Variants in DSG1 observed in about 807,000 individuals in gnomAD.
DSG1 encodes desmoglein 1.
A neutral mutation model predicts 97.5 loss-of-function variants in DSG1; 39 were observed. That is an observed-to-expected ratio of 0.40 (90% CI 0.31 to 0.52). The LOEUF (loss-of-function observed/expected upper bound fraction) is 0.52, where lower values mean the gene tolerates loss of function less well. Ranked by LOEUF, DSG1 falls within the 20% of genes least tolerant of loss-of-function variation. The pLI is 0.53. For missense variants in DSG1, 1,311 were observed against 1,295.4 expected, an observed-to-expected ratio of 1.01 and a Z score of -0.18; for synonymous variants, 475 against 443.4, an observed-to-expected ratio of 1.07 and a Z score of -0.90.
In DSG1 at chr18:31,346,078, T is replaced by C; in HGVS notation, c.1980T>C (p.Val660=). ...RMTGFELTEG[V]KTSGMPEICQ... ...CAGGATTTGAACTAACAGAGGGAGT[T>C]AAAACTTCAGGAATGCCTGAGATAT... Residue 660 remains valine, a synonymous_variant, in exon 14 of 15, where the codon GTT becomes GTC. Transcript: ENST00000257192. The C allele has an allele frequency of 6.2e-7, 1 of 1,613,904 alleles. No individual in the cohort carries two copies.
intron 9 of DSG1, 105 bp from the exon 10 acceptor site, chr18:31,338,210 A>T: frequency 8.2e-7 from 1 of 1,217,876 alleles, no homozygotes; most frequent in Non-Finnish European, 1.2e-6. Context: ...TGAAAACTGT[A>T]TCTAGGGATT....
rs1206005556 is a variant in DSG1, at chr18:31,338,438, G to A, written c.1389G>A (p.Thr463=). 29 of 1,613,188 alleles carry A rather than the reference G, an allele frequency of 1.8e-5. No individual in the cohort carries two copies. The highest frequency in any genetic ancestry group is 2.7e-5 in the African/African-American group (2 of 74,880). The change falls in exon 10 of 15, where the codon ACG becomes ACA. Residue 463 remains threonine, a synonymous_variant. Coordinates refer to ENST00000257192, the MANE Select transcript of DSG1 (RefSeq NM_001942.4). The stretch of plus-strand genomic sequence containing the variant: ...TGCTCGGAGGAAAATACCAAGGAAC[G>A]ATTCTCTCTATAGATGGTAAGAAAT... The part of the protein sequence containing the change: ...YNMLGGKYQG[T]ILSIDDNLQR...
Position 31,318,319 on chromosome 18 carries a change from A to C in DSG1, c.19A>C (p.Arg7=). 1 of 1,613,606 alleles carries C rather than the reference A, an allele frequency of 6.2e-7. No individual in the cohort carries two copies. The highest frequency in any genetic ancestry group is 1.1e-5 in the South Asian group (1 of 91,070). MDWSFF[R]VVAMLFIFLV... ...AGCAGAGATGGACTGGAGTTTCTTC[A>C]GAGTAGTTGCAATGCTGTTCATTTT... Residue 7 remains arginine (R), a synonymous_variant, in exon 1 of 15, where the codon AGA becomes CGA. Transcript: ENST00000257192.
chr18:31,354,570 G>T lies in DSG1; in HGVS notation c.2374G>T (p.Val792Phe). The change falls in exon 15 of 15, where the codon GTT becomes TTT. Residue 792 changes from valine (V) to phenylalanine (F), a missense_variant. Val to Phe is a conservative substitution (Grantham distance 50). Coordinates refer to ENST00000257192, the MANE Select transcript of DSG1 (RefSeq NM_001942.4). ...PVCLPQETEP[V>F]VSGHPPISPH... The stretch of plus-strand genomic sequence containing the variant: ...TTGCCTTCCTCAGGAAACAGAGCCC[G>T]TTGTTAGTGGACACCCACCAATCTC... 1 of 1,614,140 alleles carries T rather than the reference G, an allele frequency of 6.2e-7. No homozygotes were observed. Among genetic ancestry groups the T allele is most frequent in the Non-Finnish European group, 8.5e-7 (1 of 1,180,026 alleles).
Position 31,329,840 on chromosome 18 carries a change from A to G in DSG1, c.373-52A>G, listed in dbSNP as rs1009802208. ...GTGCTAGCATAATGCTCAAAGTAAG[A>G]ACTTAATAAATCTGTGTTTCACTGT... is the stretch of plus-strand genomic sequence containing the variant. On this transcript the variant is annotated intron_variant, in intron 4 of 14. Coordinates refer to ENST00000257192, the MANE Select transcript of DSG1 (RefSeq NM_001942.4). 3.1e-6 allele frequency: 5 copies of G among 1,596,708 alleles called. No individual in the cohort carries two copies. The African/African-American group carries it at 5.4e-5, about 17-fold the overall frequency.
chr18:31,329,668 G>A (rs1196653222), intron 4 of DSG1, among the ~76,000 whole-genome samples: 2 of 151,708 alleles, frequency 1.3e-5, no homozygotes, highest in Admixed American at 1.3e-4. Context: ...AATAATAATA[G>A]TAATAATAAT....
At chr18:31,321,838 C>T (rs536812951) in intron 1 of DSG1, among the ~76,000 whole-genome samples, 70 of 152,278 alleles carry the variant, frequency 4.6e-4, no homozygotes, top group African/African-American at 1.6e-3. Context: ...ACAACACATT[C>T]ATCAAAGACC....
chr18:31,346,810 G>A (rs1397292365), intron 14 of DSG1, among the ~76,000 whole-genome samples: 2 of 152,150 alleles, frequency 1.3e-5, no homozygotes, highest in Non-Finnish European at 2.9e-5. Context: ...CACTTTTAGT[G>A]TCTCATCCAT....
chr18:31,328,599 A>G (rs1275877117), intron 4 of DSG1, among the ~76,000 whole-genome samples: 1 of 152,158 alleles, frequency 6.6e-6, no homozygotes, highest in Non-Finnish European at 1.5e-5. Context: ...GTTTGGAAGG[A>G]CAATTACCTA....
chr18:31,329,232 C>G (rs1324846145), intron 4 of DSG1, among the ~76,000 whole-genome samples: 1 of 152,006 alleles, frequency 6.6e-6, no homozygotes, highest in Non-Finnish European at 1.5e-5. Context: ...TCCCATTTCT[C>G]TCTATCGTCA....
chr18:31,337,874 T>C (rs999311778), intron 9 of DSG1, among the ~76,000 whole-genome samples: 5 of 152,210 alleles, frequency 3.3e-5, no homozygotes, highest in African/African-American at 7.2e-5. Context: ...TTCCAGTGCA[T>C]GTGAGAAGGA....
chr18:31,338,813 A>C (rs1198386101), intron 10 of DSG1, among the ~76,000 whole-genome samples: 1 of 152,204 alleles, frequency 6.6e-6, no homozygotes, highest in East Asian at 1.9e-4. Flanking sequence ...AAACAACAGG[A>C]TTAGCATAGT....
At chr18:31,345,864 A>C (rs2071828946) in intron 13 of DSG1, 126 bp from the exon 14 acceptor site, 4 of 699,128 alleles carry the variant, frequency 5.7e-6, no homozygotes, top group Non-Finnish European at 1.0e-5. Context: ...TTTATGTATT[A>C]TCTTTTTATT....
chr18:31,343,815 A>ATT, intron 12 of DSG1, 111 bp from the exon 13 acceptor site: 13 of 1,034,134 alleles, frequency 1.3e-5, no homozygotes, highest in South Asian at 3.1e-5. Flanking sequence ...CCTAAATAGT[A>ATT]TTTTTTTTTT....
chr18:31,336,676 T>C lies in DSG1; in HGVS notation c.1265+63T>C, dbSNP rs939358501. Reference sequence around the variant, plus strand: ...TGAACTTAAGTACATATGTTCTTTTTATAGATTATAAGTATCTGAGTTAAA... The same window carrying C: ...TGAACTTAAGTACATATGTTCTTTTCATAGATTATAAGTATCTGAGTTAAA... On this transcript the variant is annotated intron_variant, in intron 9 of 14. Coordinates refer to ENST00000257192, the MANE Select transcript of DSG1 (RefSeq NM_001942.4). 5 of 1,515,036 alleles carry C rather than the reference T, an allele frequency of 3.3e-6. No individual in the cohort carries two copies. In the African/African-American group the frequency reaches 6.9e-5, roughly 21 times the overall value. The allele number at this position is 1,515,036 out of a possible 1,614,324, so 93.8% of individuals were successfully genotyped here. A position where few individuals can be genotyped will look rare whatever the true frequency, so the allele number is the denominator to read the frequency against.
At chr18:31,340,800 G>T (rs2071784493) in intron 11 of DSG1, among the ~76,000 whole-genome samples, 1 of 152,124 alleles carries the variant, frequency 6.6e-6, no homozygotes, top group African/African-American at 2.4e-5. Context: ...ATAGGCAGGG[G>T]CCAGGTCTCA....
chr18:31,326,065 T>G (rs2071684059), intron 1 of DSG1, among the ~76,000 whole-genome samples: 1 of 152,208 alleles, frequency 6.6e-6, no homozygotes, highest in South Asian at 2.1e-4. Context: ...ATTATCTTTT[T>G]ATACTTCTCA....
intron 1 of DSG1, among the ~76,000 whole-genome samples, chr18:31,325,352 G>T (rs769310258): frequency 6.6e-6 from 1 of 152,136 alleles, no homozygotes; most frequent in Non-Finnish European, 1.5e-5. Context: ...TAAGGGAAGC[G>T]CAATAACAGA....
intron 8 of DSG1, 126 bp from the exon 9 acceptor site, chr18:31,336,228 A>G (rs1468526995): frequency 2.6e-6 from 2 of 771,156 alleles, no homozygotes; most frequent in East Asian, 2.7e-5. Context: ...TGGATTGTGT[A>G]TTTGTGTGCA....
Sources: gnomAD v4.1 joint callset for allele counts (sites outside exome capture counted in the v4.1 genomes callset) on GRCh38, gnomAD v4.1.1 for gene constraint, MANE v1.5 for transcripts, NCBI Gene and HGNC (gene_info 2026-07-23, HGNC 2026-07-21) for gene names.